GYS2: variants seen among roughly 807,000 people sequenced by gnomAD.
The protein encoded by GYS2 is glycogen synthase 2.
A neutral mutation model predicts 85.6 loss-of-function variants in GYS2; 80 were observed. The observed-to-expected ratio is 0.93, with a 90% CI of 0.78 to 1.13. GYS2 has a LOEUF of 1.13. Among genes scored for constraint, GYS2 ranks in the 50% most tolerant of loss-of-function variants. The pLI is 0.00. For synonymous variants in GYS2, 328 were observed against 300.7 expected (o/e 1.09, Z -0.94); for missense variants, 881 against 854.9 (o/e 1.03, Z -0.38).
intron 1 of GYS2, among the ~76,000 whole-genome samples, chr12:21,585,771 T>C (rs1317765588): frequency 1.3e-5 from 2 of 152,238 alleles, no homozygotes; most frequent in South Asian, 2.1e-4. Flanking sequence ...AGAAAATATA[T>C]ACATTTTACT....
intron 5 of GYS2, 39 bp downstream of exon 5, chr12:21,568,826 T>G: frequency 6.3e-6 from 10 of 1,579,692 alleles, no homozygotes; most frequent in Non-Finnish European, 8.7e-6. Flanking sequence ...GTAACATCAT[T>G]CGGAACTGAA....
At chr12:21,590,072 G>A (rs943691428) in intron 1 of GYS2, among the ~76,000 whole-genome samples, 1 of 152,084 alleles carries the variant, frequency 6.6e-6, no homozygotes, top group African/African-American at 2.4e-5. Context: ...CTAAGAAAAT[G>A]CTACCCCACT....
chr12:21,563,157 T>C, intron 6 of GYS2, 71 bp downstream of exon 6: 2 of 1,186,150 alleles, frequency 1.7e-6, no homozygotes, highest in South Asian at 2.4e-5. Flanking sequence ...ATTATTACAA[T>C]TCTGTTTTCT....
At chr12:21,542,658 G>A (rs1483740922) in intron 12 of GYS2, 67 bp from the exon 13 acceptor site, 1 of 982,478 alleles carries the variant, frequency 1.0e-6, no homozygotes, top group Non-Finnish European at 1.6e-6. Flanking sequence ...GCACTCAGAG[G>A]AGGAAAAGGC....
chr12:21,552,126 C>T (rs928266883), intron 11 of GYS2, among the ~76,000 whole-genome samples: 1 of 152,054 alleles, frequency 6.6e-6, no homozygotes. Flanking sequence ...CAAAAATCGC[C>T]CAGGAAAGCT....
chr12:21,559,001 T>A (rs1057374769), intron 10 of GYS2, 90 bp downstream of exon 10: 5 of 757,010 alleles, frequency 6.6e-6, no homozygotes, highest in Non-Finnish European at 1.1e-5. Flanking sequence ...TCTGAAAATG[T>A]TCCAAATTAG....
intron 1 of GYS2, among the ~76,000 whole-genome samples, chr12:21,582,398 C>T (rs1442639159): frequency 6.6e-6 from 1 of 152,100 alleles, no homozygotes; most frequent in Non-Finnish European, 1.5e-5. Flanking sequence ...GGCTTGGCAT[C>T]CCAGCCTACA....
At chr12:21,594,263 GAGAA>G (rs561327788) in intron 1 of GYS2, among the ~76,000 whole-genome samples, 1 of 151,982 alleles carries the variant, frequency 6.6e-6, no homozygotes, top group East Asian at 1.9e-4. Context: ...TTTCAGGTCA[GAGAA>G]AGAAAGAAAG....
At position 21,540,506 on chromosome 12, in the gene GYS2, G is replaced by A. The variant is rs139122418; in HGVS notation, c.1713C>T (p.Leu571=). 1.7e-5 allele frequency: 28 copies of A among 1,613,766 alleles called. No individual in the cohort carries two copies. The African/African-American group carries it at 3.5e-4, about 20-fold the overall frequency. ...DDSCNQLTKF[L]YGFCKQSRRQ... ...GGCGTGACTGTTTGCAAAATCCATA[G>A]AGAAACTTAGTCAGCTGATTGCAAG... Residue 571 remains leucine (L), a synonymous_variant, in exon 14 of 16, where the codon CTC becomes CTT. Coordinates refer to ENST00000261195, the MANE Select transcript of GYS2 (RefSeq NM_021957.4).
At chr12:21,572,528 A>G (rs1018706669) in intron 4 of GYS2, among the ~76,000 whole-genome samples, 9 of 152,154 alleles carry the variant, frequency 5.9e-5, no homozygotes, top group African/African-American at 1.7e-4. Context: ...ATGACTATGA[A>G]TTTAACCCAA....
chr12:21,600,183 A>G (rs1252593175), intron 1 of GYS2, among the ~76,000 whole-genome samples: 1 of 152,112 alleles, frequency 6.6e-6, no homozygotes, highest in Non-Finnish European at 1.5e-5. Context: ...GCAATGGTGC[A>G]ATCTTGCTCA....
intron 1 of GYS2, among the ~76,000 whole-genome samples, chr12:21,596,834 C>A (rs1242648364): frequency 1.3e-5 from 2 of 152,040 alleles, no homozygotes; most frequent in Admixed American, 1.3e-4. Flanking sequence ...ATGATATGAT[C>A]ATTTACCTTT....
At chr12:21,603,302 T>C (rs1422240135) in intron 1 of GYS2, among the ~76,000 whole-genome samples, 1 of 152,162 alleles carries the variant, frequency 6.6e-6, no homozygotes, top group Non-Finnish European at 1.5e-5. Context: ...TTCTCTTATA[T>C]GCATTCTGTC....
At chr12:21,574,551 G>C (rs564415779) in intron 3 of GYS2, among the ~76,000 whole-genome samples, 1 of 152,012 alleles carries the variant, frequency 6.6e-6, no homozygotes, top group Non-Finnish European at 1.5e-5. Context: ...TGATGGAGCA[G>C]ATTTTTTATA....
Position 21,559,563 on chromosome 12 carries a change from C to T in GYS2, c.1229+88G>A, listed in dbSNP as rs199563712. 9.4e-5 allele frequency: 75 copies of T among 800,760 alleles called. No individual in the cohort carries two copies. In the East Asian group the frequency reaches 1.6e-3, roughly 18 times the overall value. The allele number at this position is 800,760 out of a possible 1,614,324, so 49.6% of individuals were successfully genotyped here. The stretch of plus-strand genomic sequence containing the variant: ...GTTATTAATTCCTTGATATTTGGAA[C>T]AAAATTAATAAGTTATGATGTCTAA... On this transcript the variant is annotated intron_variant, in intron 9 of 15. Transcript: ENST00000261195.
chr12:21,540,161 C>T (rs1943955372), intron 14 of GYS2, among the ~76,000 whole-genome samples: 1 of 152,152 alleles, frequency 6.6e-6, no homozygotes, highest in African/African-American at 2.4e-5. Flanking sequence ...GAGGCACTGA[C>T]AATGGAATAG....
chr12:21,542,384 A>C, intron 13 of GYS2, 112 bp downstream of exon 13: 3 of 763,924 alleles, frequency 3.9e-6, no homozygotes, highest in Non-Finnish European at 7.1e-6. Flanking sequence ...AAATATAAAA[A>C]CATTAGTTTA....
In GYS2 at chr12:21,536,994, G is replaced by A. The variant is rs144564037; in HGVS notation, c.2072C>T (p.Pro691Leu). The stretch of plus-strand genomic sequence containing the variant: ...ACCATGCAGCTTTTTCTTCCCATGA[G>A]GAACGTGGCTCAGTGAAAATGGTGA... ...IKSPFSLSHV[P>L]HGKKKLHGEY... The change falls in exon 16 of 16, where the codon CCT (proline) becomes CTT (leucine). Residue 691 changes from proline (P) to leucine (L), a missense_variant. Coordinates refer to ENST00000261195, the MANE Select transcript of GYS2 (RefSeq NM_021957.4). 1.2e-4 allele frequency: 190 copies of A among 1,613,788 alleles called. No homozygotes were observed. The African/African-American group carries it at 2.4e-3, about 20-fold the overall frequency.
intron 11 of GYS2, among the ~76,000 whole-genome samples, chr12:21,550,840 T>C (rs534786352): frequency 1.3e-5 from 2 of 151,708 alleles, no homozygotes; most frequent in Non-Finnish European, 2.9e-5. Flanking sequence ...ACTCAGGAGG[T>C]TGGAGCAGGA....
Sources: allele counts gnomAD v4.1 joint callset (sites outside exome capture counted in the v4.1 genomes callset), GRCh38; gene constraint gnomAD v4.1.1; transcripts MANE v1.5; gene names NCBI Gene and HGNC (gene_info 2026-07-23, HGNC 2026-07-21).